Variants in CCSER1 observed in about 807,000 individuals in gnomAD.
CCSER1 encodes coiled-coil serine rich protein 1.
CCSER1 carries 41 observed loss-of-function variants against 82.0 expected under a neutral mutation model. The ratio of observed to expected loss-of-function variants is 0.50; its 90% CI spans 0.39 to 0.65. The LOEUF (loss-of-function observed/expected upper bound fraction) is 0.65, where lower values mean the gene tolerates loss of function less well. Ranked by LOEUF, CCSER1 falls within the 30% of genes least tolerant of loss-of-function variation. The pLI is 0.00. For missense variants in CCSER1, 1,119 were observed against 1,064.2 expected (o/e 1.05, Z -0.72); for synonymous variants, 414 against 383.9 (o/e 1.08, Z -0.92).
At chr4:90,355,204 T>C (rs991876655) in intron 3 of CCSER1, among the ~76,000 whole-genome samples, 3 of 152,004 alleles carry the variant, frequency 2.0e-5, no homozygotes, top group Admixed American at 1.3e-4. Flanking sequence ...TATAAATTGT[T>C]TCTTTGGAAT....
At chr4:91,367,730 C>T (rs918377029) in intron 10 of CCSER1, among the ~76,000 whole-genome samples, 6 of 152,188 alleles carry the variant, frequency 3.9e-5, no homozygotes, top group Admixed American at 2.0e-4. Flanking sequence ...ACCTGATTCT[C>T]ATCTTCTGGT....
intron 1 of CCSER1, among the ~76,000 whole-genome samples, chr4:90,306,432 C>G (rs896810048): frequency 6.6e-6 from 1 of 151,886 alleles, no homozygotes; most frequent in Admixed American, 6.6e-5. Context: ...CAAAACATCA[C>G]GTTATACCTC....
chr4:90,977,590 G>C (rs1360962317), intron 9 of CCSER1, among the ~76,000 whole-genome samples: 1 of 151,544 alleles, frequency 6.6e-6, no homozygotes, highest in African/African-American at 2.4e-5. Context: ...GAGTACACTA[G>C]ACAGTTAATT....
intron 10 of CCSER1, among the ~76,000 whole-genome samples, chr4:91,529,277 A>G (rs1364826640): frequency 6.6e-6 from 1 of 151,934 alleles, no homozygotes; most frequent in Non-Finnish European, 1.5e-5. Context: ...TTATGTGTGT[A>G]TTTTTTGTTT....
intron 10 of CCSER1, among the ~76,000 whole-genome samples, chr4:91,402,792 C>A (rs893087291): frequency 6.6e-6 from 1 of 152,190 alleles, no homozygotes; most frequent in Non-Finnish European, 1.5e-5. Context: ...GTTTTGGTTA[C>A]TGTAGCCTTG....
chr4:90,609,703 A>G (rs911931300), intron 5 of CCSER1, among the ~76,000 whole-genome samples: 2 of 152,178 alleles, frequency 1.3e-5, no homozygotes, highest in African/African-American at 4.8e-5. Flanking sequence ...TAGCTATCAT[A>G]GAGATGTTTC....
At chr4:90,406,415 G>T (rs1458886703) in intron 4 of CCSER1, among the ~76,000 whole-genome samples, 1 of 151,976 alleles carries the variant, frequency 6.6e-6, no homozygotes, top group Non-Finnish European at 1.5e-5. Context: ...TAATGGTGGG[G>T]GACTTCAATA....
chr4:91,408,501 C>G (rs914206394), intron 10 of CCSER1, among the ~76,000 whole-genome samples: 1 of 152,086 alleles, frequency 6.6e-6, no homozygotes, highest in Non-Finnish European at 1.5e-5. Context: ...ATATTTTTAT[C>G]ATTTCCTATT....
chr4:91,486,247 A>C (rs1758211384), intron 10 of CCSER1, among the ~76,000 whole-genome samples: 1 of 152,048 alleles, frequency 6.6e-6, no homozygotes, highest in East Asian at 1.9e-4. Flanking sequence ...ATTACTTTTA[A>C]ATTATAGGGC....
At chr4:91,126,558 A>C (rs1446527984) in intron 10 of CCSER1, among the ~76,000 whole-genome samples, 5 of 152,002 alleles carry the variant, frequency 3.3e-5, no homozygotes, top group Non-Finnish European at 1.5e-5. Context: ...GCAAGAATGA[A>C]GTTATATGGT....
intron 9 of CCSER1, among the ~76,000 whole-genome samples, chr4:91,083,055 T>C (rs930025513): frequency 6.6e-6 from 1 of 152,162 alleles, no homozygotes; most frequent in Non-Finnish European, 1.5e-5. Flanking sequence ...GCCATCCCAT[T>C]ACTGGGCATA....
chr4:91,307,576 G>T (rs949223091), intron 10 of CCSER1, among the ~76,000 whole-genome samples: 2 of 151,882 alleles, frequency 1.3e-5, no homozygotes, highest in African/African-American at 4.8e-5. Flanking sequence ...TTGCCAAGCA[G>T]GTTATATGTT....
At chr4:90,693,939 AGTG>A (rs919307014) in intron 6 of CCSER1, among the ~76,000 whole-genome samples, 3 of 151,832 alleles carry the variant, frequency 2.0e-5, no homozygotes, top group African/African-American at 7.2e-5. Context: ...GGAAAGAAGA[AGTG>A]GGGAGGAAAA....
chr4:90,950,262 A>C (rs941355207), intron 9 of CCSER1, among the ~76,000 whole-genome samples: 1 of 152,144 alleles, frequency 6.6e-6, no homozygotes. Flanking sequence ...TAAAAAAATT[A>C]ATGAGTTTGA....
In CCSER1 at chr4:90,421,437, A is replaced by G. The variant is rs539087772; in HGVS notation, c.1603+21308A>G. 1.1e-3 allele frequency among the ~76,000 whole-genome samples: 167 copies of G among 152,326 alleles called. 1 individual carries two copies. The highest frequency in any genetic ancestry group is 3.4e-3 in the African/African-American group (143 of 41,580). On this transcript the variant is annotated intron_variant, in intron 4 of 10. Transcript: ENST00000509176. ...AATGATAGTAGATCTGATTGAAGCC[A>G]TAATAGTGTTAAATGCTGGCTCTTC...
intron 3 of CCSER1, among the ~76,000 whole-genome samples, chr4:90,365,937 A>G (rs1261635385): frequency 2.0e-5 from 3 of 151,922 alleles, no homozygotes; most frequent in African/African-American, 7.2e-5. Context: ...AGTATATAGA[A>G]TAACAGTTTC....
intron 9 of CCSER1, among the ~76,000 whole-genome samples, chr4:90,973,021 G>A (rs1190216816): frequency 6.6e-6 from 1 of 151,700 alleles, no homozygotes; most frequent in East Asian, 1.9e-4. Flanking sequence ...ACTCAAAGTG[G>A]ATTAAATACT....
intron 10 of CCSER1, among the ~76,000 whole-genome samples, chr4:91,544,625 C>G (rs935808836): frequency 6.6e-6 from 1 of 152,176 alleles, no homozygotes; most frequent in African/African-American, 2.4e-5. Context: ...TGCAGAACAG[C>G]AAATATTGTA....
chr4:91,573,242 G>A (rs1006290092), intron 10 of CCSER1, among the ~76,000 whole-genome samples: 4 of 152,222 alleles, frequency 2.6e-5, no homozygotes, highest in African/African-American at 4.8e-5. Flanking sequence ...CCTCCCAACA[G>A]GAGCTCTTTC....
Sources: allele counts gnomAD v4.1 joint callset (sites outside exome capture counted in the v4.1 genomes callset), GRCh38; gene constraint gnomAD v4.1.1; transcripts MANE v1.5; gene names NCBI Gene and HGNC (gene_info 2026-07-23, HGNC 2026-07-21).